The following EXOC4 variants were observed in gnomAD, a reference collection of about 807,000 sequenced individuals.
EXOC4 encodes SEC8-like 1.
In EXOC4, 71 loss-of-function variants were observed where a neutral mutation model predicts 107.2. The observed-to-expected ratio is 0.66, with a 90% confidence interval of 0.55 to 0.81. EXOC4 has a LOEUF of 0.81. Among genes scored for constraint, EXOC4 ranks in the 30% least tolerant of loss-of-function variants. The probability of loss-of-function intolerance (pLI) is 0.00; values close to 1 mark genes in which losing one functional copy is unlikely to be tolerated. For synonymous variants in EXOC4, 456 were observed against 441.2 expected (o/e 1.03, Z -0.42); for missense variants, 1,108 against 1,189.6 (o/e 0.93, Z 1.01).
chr7:133,430,311 G>A (rs1167757654), intron 7 of EXOC4, among the ~76,000 whole-genome samples: 1 of 152,180 alleles, frequency 6.6e-6, no homozygotes, highest in Non-Finnish European at 1.5e-5. Flanking sequence ...GGTACAAGAT[G>A]TGGGGCATGG....
chr7:133,503,345 T>G (rs1348687216), intron 9 of EXOC4, among the ~76,000 whole-genome samples: 1 of 152,196 alleles, frequency 6.6e-6, no homozygotes, highest in Non-Finnish European at 1.5e-5. Flanking sequence ...CCATACGTCA[T>G]TTATATAATC....
chr7:134,086,930 T>A, the EXOC4 span, among the ~76,000 whole-genome samples: 1 of 152,196 alleles, frequency 6.6e-6, no homozygotes, highest in Non-Finnish European at 1.5e-5. Flanking sequence ...TAAACTGTCA[T>A]GGTACTGGTG....
At chr7:133,710,767 G>A (rs1304954990) in intron 10 of EXOC4, among the ~76,000 whole-genome samples, 1 of 151,916 alleles carries the variant, frequency 6.6e-6, no homozygotes, top group Non-Finnish European at 1.5e-5. Context: ...AGACAGAAAT[G>A]TATTTCAGGG....
intron 7 of EXOC4, among the ~76,000 whole-genome samples, chr7:133,468,581 C>G (rs1326121244): frequency 6.6e-6 from 1 of 152,104 alleles, no homozygotes; most frequent in Non-Finnish European, 1.5e-5. Flanking sequence ...GGGTATATTA[C>G]CCTGATTTTG....
intron 9 of EXOC4, among the ~76,000 whole-genome samples, chr7:133,596,463 C>A (rs948413550): frequency 2.6e-5 from 4 of 152,180 alleles, no homozygotes; most frequent in African/African-American, 9.7e-5. Flanking sequence ...TTCCATAACT[C>A]AGCTATGTAT....
intron 9 of EXOC4, among the ~76,000 whole-genome samples, chr7:133,583,505 G>T (rs1801327021): frequency 6.6e-6 from 1 of 152,190 alleles, no homozygotes; most frequent in African/African-American, 2.4e-5. Flanking sequence ...GCAGGAGAAA[G>T]AACTCTTGAG....
chr7:134,027,955 TG>T (rs765685475), intron 17 of EXOC4, among the ~76,000 whole-genome samples: 63 of 152,224 alleles, frequency 4.1e-4, no homozygotes, highest in Admixed American at 2.0e-4. Flanking sequence ...CTCGTTTTTC[TG>T]GGCTCCCTCC....
intron 10 of EXOC4, among the ~76,000 whole-genome samples, chr7:133,723,871 C>T (rs1177707009): frequency 6.6e-6 from 1 of 152,002 alleles, no homozygotes; most frequent in African/African-American, 2.4e-5. Flanking sequence ...TCCAACAGTC[C>T]TCCCACCTGC....
At chr7:133,583,994 A>C (rs374448367) in intron 9 of EXOC4, among the ~76,000 whole-genome samples, 1 of 152,058 alleles carries the variant, frequency 6.6e-6, no homozygotes, top group East Asian at 1.9e-4. Context: ...GGGGAAGAAG[A>C]AGGGTTATAA....
chr7:133,788,352 T>C (rs12112614), intron 10 of EXOC4, among the ~76,000 whole-genome samples: 18,863 of 151,920 alleles, frequency 0.12, 1,269 homozygotes, highest in Middle Eastern at 0.15. Flanking sequence ...GTCTAATCAG[T>C]ATCTTAAACT....
At chr7:133,857,090 C>A (rs1288920647) in intron 11 of EXOC4, among the ~76,000 whole-genome samples, 1 of 122,790 alleles carries the variant, frequency 8.1e-6, no homozygotes, top group African/African-American at 3.2e-5. Context: ...GAGAGAGACT[C>A]CGTCTTTATA....
chr7:133,817,633 C>T, intron 11 of EXOC4, 89 bp downstream of exon 11: 2 of 957,410 alleles, frequency 2.1e-6, no homozygotes, highest in East Asian at 2.6e-5. Flanking sequence ...GAATTACCAT[C>T]TGTTTCCATA....
At chr7:133,463,801 G>A (rs966520998) in intron 7 of EXOC4, among the ~76,000 whole-genome samples, 2 of 152,056 alleles carry the variant, frequency 1.3e-5, no homozygotes, top group African/African-American at 4.8e-5. Flanking sequence ...AGGGGAAGAA[G>A]GAAGAAGGAG....
chr7:133,703,703 A>G (rs1794711889), intron 10 of EXOC4, among the ~76,000 whole-genome samples: 1 of 152,232 alleles, frequency 6.6e-6, no homozygotes, highest in South Asian at 2.1e-4. Flanking sequence ...CTGCATTAGA[A>G]CATCCCAACA....
intron 17 of EXOC4, among the ~76,000 whole-genome samples, chr7:134,034,143 C>A (rs1271447045): frequency 6.6e-6 from 1 of 151,958 alleles, no homozygotes; most frequent in African/African-American, 2.4e-5. Context: ...AGGAACCAGT[C>A]CAAATTGGGA....
chr7:133,865,479 G>A (rs755920695), intron 11 of EXOC4, among the ~76,000 whole-genome samples: 47 of 151,918 alleles, frequency 3.1e-4, no homozygotes, highest in Middle Eastern at 3.2e-3. Context: ...TTATTCCTCC[G>A]TAGAAACACT....
chr7:133,879,412 A>AT (rs527896820), intron 11 of EXOC4, among the ~76,000 whole-genome samples: 426 of 152,002 alleles, frequency 2.8e-3, no homozygotes, highest in African/African-American at 9.8e-3. Context: ...TAATTATGTT[A>AT]TTTTTTCTAC....
At chr7:134,016,266 A>C (rs1794906971) in intron 17 of EXOC4, among the ~76,000 whole-genome samples, 1 of 152,142 alleles carries the variant, frequency 6.6e-6, no homozygotes, top group Non-Finnish European at 1.5e-5. Context: ...AGATATGGGG[A>C]ATCATCAGCA....
chr7:133,273,371 A>G (rs2072359379), intron 1 of EXOC4, among the ~76,000 whole-genome samples: 1 of 152,224 alleles, frequency 6.6e-6, no homozygotes, highest in South Asian at 2.1e-4. Flanking sequence ...CCTTGGAAGT[A>G]GTCTGGTTTA....
Sources: gnomAD v4.1 joint callset for allele counts (sites outside exome capture counted in the v4.1 genomes callset) on GRCh38, gnomAD v4.1.1 for gene constraint, MANE v1.5 for transcripts, NCBI Gene and HGNC (gene_info 2026-07-23, HGNC 2026-07-21) for gene names.